The following ZNF385D variants were observed in gnomAD, a reference collection of about 807,000 sequenced individuals.
The protein encoded by ZNF385D is zinc finger protein 385D, also known as zinc finger protein 659.
Under a neutral mutation model 35.8 loss-of-function variants are expected in ZNF385D, and 15 were observed. That is an observed-to-expected ratio of 0.42 (90% CI 0.28 to 0.64). ZNF385D has a LOEUF of 0.64. ZNF385D is among the 30% of genes least tolerant of loss of function. The probability of loss-of-function intolerance (pLI) is 0.23; values close to 1 mark genes in which losing one functional copy is unlikely to be tolerated. For synonymous variants in ZNF385D, 212 were observed against 186.8 expected (o/e 1.13, Z -1.10); for missense variants, 474 against 494.6 (o/e 0.96, Z 0.39).
At chr3:22,261,735 T>C (rs1700643444) in intron 2 of ZNF385D, among the ~76,000 whole-genome samples, 1 of 151,962 alleles carries the variant, frequency 6.6e-6, no homozygotes, top group African/African-American at 2.4e-5. Flanking sequence ...CTCCAGGTTG[T>C]CGTGTTCCTC....
intron 3 of ZNF385D, among the ~76,000 whole-genome samples, chr3:22,029,845 G>C (rs1697818896): frequency 6.6e-6 from 1 of 151,890 alleles, no homozygotes; most frequent in African/African-American, 2.4e-5. Flanking sequence ...ATGTGTATGG[G>C]TTCAAGTTGA....
chr3:22,261,682 G>T (rs1020930014), intron 2 of ZNF385D, among the ~76,000 whole-genome samples: 1 of 151,850 alleles, frequency 6.6e-6, no homozygotes, highest in Non-Finnish European at 1.5e-5. Context: ...CCTGAAGGTG[G>T]GGGGATGCGA....
chr3:21,932,598 A>T (rs1005222449), intron 3 of ZNF385D, among the ~76,000 whole-genome samples: 2 of 151,990 alleles, frequency 1.3e-5, no homozygotes, highest in East Asian at 3.9e-4. Flanking sequence ...AAAAGCTTTA[A>T]CAATCAATTG....
intron 1 of ZNF385D, among the ~76,000 whole-genome samples, chr3:21,684,344 C>CCAT (rs1213421757): frequency 8.0e-6 from 1 of 124,774 alleles, no homozygotes; most frequent in Non-Finnish European, 1.6e-5. Context: ...CACACTAAAG[C>CCAT]CATAAATGGT....
chr3:22,123,643 T>G (rs899231295), intron 3 of ZNF385D, among the ~76,000 whole-genome samples: 1 of 152,194 alleles, frequency 6.6e-6, no homozygotes, highest in Non-Finnish European at 1.5e-5. Flanking sequence ...GTGGATTACC[T>G]GAGGTCAGGC....
At chr3:21,475,302 A>G (rs575637395) in intron 4 of ZNF385D, among the ~76,000 whole-genome samples, 3 of 152,100 alleles carry the variant, frequency 2.0e-5, no homozygotes, top group African/African-American at 7.2e-5. Flanking sequence ...TATGTATTCT[A>G]TAACTATTTG....
At position 22,042,574 on chromosome 3, in the gene ZNF385D, A is replaced by C. The variant is rs558650533; in HGVS notation, c.325+126243T>G. 5.9e-5 allele frequency among the ~76,000 whole-genome samples: 9 copies of C among 152,254 alleles called. No homozygotes were observed. The East Asian group carries it at 1.7e-3, about 29-fold the overall frequency. ...ATTTCCAAGAGCTCAATAATCATCC[A>C]GGTCCAATTTTTGGCAAAGCTATCA... On this transcript the variant is annotated intron_variant, in intron 3 of 5. Coordinates refer to the ZNF385D transcript ENST00000494108.
At chr3:21,627,061 T>C (rs1293605594) in intron 2 of ZNF385D, among the ~76,000 whole-genome samples, 1 of 151,852 alleles carries the variant, frequency 6.6e-6, no homozygotes, top group Non-Finnish European at 1.5e-5. Flanking sequence ...TGTTTTTTTT[T>C]TTCTCCTACA....
chr3:21,805,520 G>A (rs185402613), intron 3 of ZNF385D, among the ~76,000 whole-genome samples: 1 of 152,164 alleles, frequency 6.6e-6, no homozygotes. Context: ...TTAGGAGAAA[G>A]AACAAAAGAC....
chr3:22,274,295 T>G (rs1053930484), intron 2 of ZNF385D, among the ~76,000 whole-genome samples: 15 of 152,000 alleles, frequency 9.9e-5, no homozygotes, highest in African/African-American at 3.1e-4. Context: ...TCTTTCTGAA[T>G]GAACCTTATA....
rs1031271607 is a variant in ZNF385D, at chr3:22,018,918, G to A, written c.325+149899C>T. On this transcript the variant is annotated intron_variant, in intron 3 of 5. Coordinates refer to the ZNF385D transcript ENST00000494108. ...GTGTAAGTTTGGCCTCTAGGCCTAC[G>A]GAGTACAGGATTGAACGTGCAATTC... Among the ~76,000 whole-genome samples the A allele has an allele frequency of 5.3e-5, 8 of 151,738 alleles. No individual in the cohort carries two copies. The East Asian group carries it at 5.8e-4, about 11-fold the overall frequency.
chr3:21,445,770 T>C (rs1221859714), intron 4 of ZNF385D, among the ~76,000 whole-genome samples: 1 of 152,214 alleles, frequency 6.6e-6, no homozygotes, highest in African/African-American at 2.4e-5. Context: ...CTTTTAAAAG[T>C]TGGAGTTATA....
intron 2 of ZNF385D, among the ~76,000 whole-genome samples, chr3:22,251,234 T>A (rs983533107): frequency 6.6e-6 from 1 of 152,174 alleles, no homozygotes; most frequent in Non-Finnish European, 1.5e-5. Context: ...ACATGAGTGC[T>A]TAAGTATCAT....
At chr3:22,155,492 CT>C (rs1317466048) in intron 3 of ZNF385D, among the ~76,000 whole-genome samples, 1 of 151,952 alleles carries the variant, frequency 6.6e-6, no homozygotes, top group Non-Finnish European at 1.5e-5. Flanking sequence ...ATTACAAACA[CT>C]GGGACACTTT....
chr3:22,197,435 C>G (rs926085167), intron 2 of ZNF385D, among the ~76,000 whole-genome samples: 3 of 152,166 alleles, frequency 2.0e-5, no homozygotes, highest in South Asian at 2.1e-4. Context: ...CTCATGAAAT[C>G]TCTCCAGCTT....
chr3:21,672,655 A>G (rs995999475), intron 1 of ZNF385D, among the ~76,000 whole-genome samples: 1 of 152,164 alleles, frequency 6.6e-6, no homozygotes, highest in Non-Finnish European at 1.5e-5. Context: ...CCCTTGTCCA[A>G]ATTATTTATT....
intron 3 of ZNF385D, among the ~76,000 whole-genome samples, chr3:21,765,984 T>C (rs1040647747): frequency 2.0e-5 from 3 of 152,082 alleles, no homozygotes; most frequent in East Asian, 1.9e-4. Context: ...TGGTCAAGTA[T>C]TGTATACCAG....
chr3:21,750,795 T>C lies in ZNF385D; in HGVS notation c.22+100A>G, dbSNP rs1341401064. The C allele has an allele frequency of 4.7e-6, 7 of 1,476,704 alleles. No individual in the cohort carries two copies. The Admixed American group carries it at 1.0e-4, about 22-fold the overall frequency. 91.5% of individuals were successfully genotyped at this position (1,476,704 alleles called of 1,614,324 possible). ...AGTTGCCAACTGGAGGTAGGTTTAATGTAACATATTCTTGCTGCTTAAAGA... is the reference window on the plus strand; with the variant it reads ...AGTTGCCAACTGGAGGTAGGTTTAACGTAACATATTCTTGCTGCTTAAAGA... On this transcript the variant is annotated intron_variant, in intron 1 of 7. Coordinates refer to ENST00000281523, the MANE Select transcript of ZNF385D (RefSeq NM_024697.3).
rs115252834 is a variant in ZNF385D at position 22,251,772 on chromosome 3, C to T, written c.107-82737G>A. 7.6e-3 allele frequency among the ~76,000 whole-genome samples: 1,151 copies of T among 152,090 alleles called. 13 individuals are homozygous for T. The highest frequency in any genetic ancestry group is 0.017 in the Middle Eastern group (5 of 294). Reference sequence around the variant, plus strand: ...CTCTACACACAGGGAAATAATATAGCACAGTGGTTCAGAGTTTGAGCTTGG... The same window carrying T: ...CTCTACACACAGGGAAATAATATAGTACAGTGGTTCAGAGTTTGAGCTTGG... On this transcript the variant is annotated intron_variant, in intron 2 of 5. Coordinates refer to the ZNF385D transcript ENST00000494108.
Sources: allele counts gnomAD v4.1 joint callset (sites outside exome capture counted in the v4.1 genomes callset), GRCh38; gene constraint gnomAD v4.1.1; transcripts MANE v1.5; gene names NCBI Gene and HGNC (gene_info 2026-07-23, HGNC 2026-07-21).